Variants in SV2C observed in about 807,000 individuals in gnomAD.
The protein encoded by SV2C is solute carrier family 22 member B3.
In SV2C, 49 loss-of-function variants were observed where a neutral mutation model predicts 79.7. The observed-to-expected ratio is 0.61, with a 90% CI of 0.49 to 0.78. The LOEUF is 0.78. Among genes scored for constraint, SV2C ranks in the 30% least tolerant of loss-of-function variants. The pLI, the probability that SV2C is intolerant of heterozygous loss-of-function variation, is 0.00. For missense variants in SV2C, 833 were observed against 912.9 expected, an observed-to-expected ratio of 0.91 and a Z score of 1.13; for synonymous variants, 334 against 333.2, an observed-to-expected ratio of 1.00 and a Z score of -0.03.
chr5:75,872,001 ATTAT>A, the SV2C span, among the ~76,000 whole-genome samples: 2 of 147,362 alleles, frequency 1.4e-5, no homozygotes, highest in East Asian at 1.9e-4. Context: ...CAAAATATAT[ATTAT>A]TTATTTTATA....
intron 4 of SV2C, among the ~76,000 whole-genome samples, chr5:76,275,310 AC>A (rs1477585706): frequency 6.6e-6 from 1 of 152,018 alleles, no homozygotes; most frequent in Non-Finnish European, 1.5e-5. Flanking sequence ...ACACGGTGAA[AC>A]CCCATCTCTA....
chr5:76,181,069 G>T (rs760963310), intron 2 of SV2C, among the ~76,000 whole-genome samples: 10 of 146,670 alleles, frequency 6.8e-5, no homozygotes, highest in Non-Finnish European at 1.3e-4. Flanking sequence ...CCCAGCCTTG[G>T]TGTTACACTT....
In SV2C at chr5:76,111,879, A is replaced by T. The variant is rs1310197916; in HGVS notation, c.-101-19771A>T. On this transcript the variant is annotated intron_variant, in intron 1 of 12. Transcript: ENST00000502798. ...TGGTTTCTGGACACTTGTCCCGGGA[A>T]TGCTTGTTCTGTAAGGTGCTTTATC... Among the ~76,000 whole-genome samples, 12 of 152,142 alleles carry T rather than the reference A, an allele frequency of 7.9e-5. No homozygotes were observed. The East Asian group carries it at 2.3e-3, about 29-fold the overall frequency.
chr5:76,191,190 C>T (rs4704295), intron 2 of SV2C, among the ~76,000 whole-genome samples: 47,136 of 144,468 alleles, frequency 0.33, 5,167 homozygotes, highest in African/African-American at 0.4. Flanking sequence ...GAGGGAGGTG[C>T]TACACACTTT....
At chr5:76,280,830 G>A (rs1747163289) in intron 4 of SV2C, 5 of 393,364 alleles carry the variant, frequency 1.3e-5, no homozygotes, top group Admixed American at 5.8e-5. Flanking sequence ...GGAGCCAGCA[G>A]TTGCAGCCAG....
the SV2C span, among the ~76,000 whole-genome samples, chr5:75,999,671 C>CTT: frequency 6.6e-6 from 1 of 150,830 alleles, no homozygotes; most frequent in Non-Finnish European, 1.5e-5. Context: ...TTTTTCTACC[C>CTT]AGGCCTGTCT....
chr5:75,857,628 C>T, the SV2C span, among the ~76,000 whole-genome samples: 14 of 152,100 alleles, frequency 9.2e-5, no homozygotes, highest in South Asian at 2.5e-3. Flanking sequence ...AATTATTTTT[C>T]CTGTTTCTGT....
At chr5:76,148,562 A>T (rs963192768) in intron 2 of SV2C, among the ~76,000 whole-genome samples, 1 of 151,784 alleles carries the variant, frequency 6.6e-6, no homozygotes, top group Non-Finnish European at 1.5e-5. Flanking sequence ...TAATTCTCCC[A>T]CCTCTGACTC....
At chr5:76,309,485 A>G (rs189753114) in intron 12 of SV2C, among the ~76,000 whole-genome samples, 4 of 151,532 alleles carry the variant, frequency 2.6e-5, no homozygotes. Context: ...CTGTAGTCCC[A>G]GCCACTCGGG....
chr5:76,173,966 T>C (rs1743425312), intron 2 of SV2C: 1 of 1,562,258 alleles, frequency 6.4e-7, no homozygotes, highest in Non-Finnish European at 8.8e-7. Context: ...TTGTCCATTT[T>C]TCATGTATAA....
At chr5:76,059,653 C>T in the SV2C span, among the ~76,000 whole-genome samples, 3 of 152,166 alleles carry the variant, frequency 2.0e-5, 1 homozygote, top group South Asian at 4.2e-4. Context: ...AGTCTCGAAC[C>T]TCTCAAAATC....
chr5:76,071,357 T>C, the SV2C span, among the ~76,000 whole-genome samples: 2 of 152,158 alleles, frequency 1.3e-5, no homozygotes, highest in Admixed American at 6.5e-5. Flanking sequence ...CCGATGCATA[T>C]AAAAGTGGGC....
At chr5:76,108,452 C>T (rs898658806) in intron 1 of SV2C, among the ~76,000 whole-genome samples, 3 of 151,930 alleles carry the variant, frequency 2.0e-5, no homozygotes, top group African/African-American at 4.8e-5. Flanking sequence ...ACAGAGAGTC[C>T]GAGTATTAGA....
the SV2C span, among the ~76,000 whole-genome samples, chr5:75,884,295 C>A: frequency 1.2e-4 from 19 of 152,238 alleles, no homozygotes; most frequent in Admixed American, 4.6e-4. Context: ...TTAAGTGGAA[C>A]CTGCCAACAA....
chr5:75,867,991 CAGAT>C, the SV2C span, among the ~76,000 whole-genome samples: 454 of 152,200 alleles, frequency 3.0e-3, 10 homozygotes, highest in East Asian at 0.038. Context: ...GATGAGGAAA[CAGAT>C]AGGTACAATG....
intron 4 of SV2C, among the ~76,000 whole-genome samples, chr5:76,266,573 G>A (rs941704295): frequency 4.3e-4 from 65 of 152,298 alleles, no homozygotes; most frequent in Admixed American, 3.7e-3. Flanking sequence ...GATGAATACT[G>A]TATAATGCCA....
At chr5:75,922,906 G>A in the SV2C span, among the ~76,000 whole-genome samples, 1 of 152,272 alleles carries the variant, frequency 6.6e-6, no homozygotes, top group Middle Eastern at 3.4e-3. Context: ...TGAGCATAGG[G>A]AATTGAATTG....
intron 1 of SV2C, among the ~76,000 whole-genome samples, chr5:76,125,676 C>T (rs1257369428): frequency 1.3e-5 from 2 of 152,088 alleles, no homozygotes; most frequent in Non-Finnish European, 2.9e-5. Flanking sequence ...GCAGATTGCA[C>T]CTTGGGGGAC....
At chr5:76,321,660 G>A (rs934909638) in intron 12 of SV2C, among the ~76,000 whole-genome samples, 34 of 151,208 alleles carry the variant, frequency 2.2e-4, no homozygotes, top group Non-Finnish European at 2.9e-5. Flanking sequence ...AGGATCACTT[G>A]AGCCCAGTAG....
Sources: allele counts gnomAD v4.1 joint callset (sites outside exome capture counted in the v4.1 genomes callset), GRCh38; gene constraint gnomAD v4.1.1; transcripts MANE v1.5; gene names NCBI Gene and HGNC (gene_info 2026-07-23, HGNC 2026-07-21).